SMAP1: variants seen among roughly 807,000 people sequenced by gnomAD.
SMAP1 encodes the protein stromal membrane-associated protein 1.
In SMAP1, 24 loss-of-function variants were observed where a neutral mutation model predicts 58.5. The observed-to-expected ratio is 0.41, with a 90% CI of 0.30 to 0.58. The LOEUF (loss-of-function observed/expected upper bound fraction) is 0.58. Ranked by LOEUF, SMAP1 falls within the 20% of genes least tolerant of loss-of-function variation. SMAP1 has a pLI of 0.29. For missense variants in SMAP1, 563 were observed against 566.3 expected, an observed-to-expected ratio of 0.99 and a Z score of 0.06; for synonymous variants, 216 against 196.6, an observed-to-expected ratio of 1.10 and a Z score of -0.82.
intron 6 of SMAP1, among the ~76,000 whole-genome samples, chr6:70,806,356 C>T (rs888956541): frequency 1.3e-5 from 2 of 152,210 alleles, no homozygotes; most frequent in Admixed American, 1.3e-4. Context: ...TTGCTAAGAC[C>T]TTGGGGAAAA....
chr6:70,736,005 T>TTG (rs202130484), intron 2 of SMAP1, among the ~76,000 whole-genome samples: 86 of 151,376 alleles, frequency 5.7e-4, no homozygotes, highest in East Asian at 9.7e-4. Context: ...AAAATGTTCT[T>TTG]TGTGTGTGTG....
chr6:70,729,129 T>C (rs555220489), intron 1 of SMAP1, among the ~76,000 whole-genome samples: 15 of 152,250 alleles, frequency 9.9e-5, no homozygotes, highest in Middle Eastern at 3.4e-3. Context: ...TTCTTGATAC[T>C]GCAACTCTCA....
intron 6 of SMAP1, among the ~76,000 whole-genome samples, chr6:70,826,546 T>C (rs1049377296): frequency 6.6e-6 from 1 of 152,086 alleles, no homozygotes; most frequent in Non-Finnish European, 1.5e-5. Flanking sequence ...GGTGGATTGC[T>C]TGAGCTTAGG....
chr6:70,822,738 C>T (rs555264529), intron 6 of SMAP1, among the ~76,000 whole-genome samples: 9 of 152,078 alleles, frequency 5.9e-5, no homozygotes, highest in African/African-American at 1.7e-4. Flanking sequence ...ATATTTCTTA[C>T]GTTCAGTTCC....
intron 6 of SMAP1, among the ~76,000 whole-genome samples, chr6:70,832,379 A>C (rs1167812750): frequency 6.6e-6 from 1 of 152,190 alleles, no homozygotes; most frequent in Non-Finnish European, 1.5e-5. Flanking sequence ...TTAAATGTAC[A>C]ATGTAATGGA....
At chr6:70,785,066 C>T (rs932482514) in intron 4 of SMAP1, among the ~76,000 whole-genome samples, 19 of 152,140 alleles carry the variant, frequency 1.2e-4, no homozygotes, top group Admixed American at 1.0e-3. Context: ...AAGGTCTCCT[C>T]AGCAAATGTA....
intron 1 of SMAP1, among the ~76,000 whole-genome samples, chr6:70,677,593 T>C (rs910854812): frequency 6.6e-6 from 1 of 152,012 alleles, no homozygotes; most frequent in Non-Finnish European, 1.5e-5. Context: ...TAATTTTTTG[T>C]ATTTTTAGTA....
intron 3 of SMAP1, among the ~76,000 whole-genome samples, chr6:70,770,050 T>G (rs951269331): frequency 2.6e-5 from 4 of 151,680 alleles, no homozygotes; most frequent in Non-Finnish European, 4.4e-5. Context: ...GGCTTGAAAA[T>G]TCTTTTAAGA....
intron 10 of SMAP1, chr6:70,859,595 T>G: frequency 2.4e-6 from 1 of 409,480 alleles, no homozygotes; most frequent in South Asian, 5.6e-5. Flanking sequence ...TTTCCTTCTC[T>G]TATCACCAAT....
chr6:70,771,744 G>A (rs1454416428), intron 3 of SMAP1, among the ~76,000 whole-genome samples: 4 of 152,152 alleles, frequency 2.6e-5, no homozygotes, highest in Non-Finnish European at 2.9e-5. Flanking sequence ...CTCGCCCACG[G>A]TGTGCTGCAC....
chr6:70,859,224 T>A, intron 10 of SMAP1: 1 of 693,436 alleles, frequency 1.4e-6, no homozygotes, highest in Non-Finnish European at 2.4e-6. Flanking sequence ...TAAAAAATTG[T>A]ATGTGCTAAG....
At chr6:70,791,507 T>A (rs1393780993) in intron 4 of SMAP1, among the ~76,000 whole-genome samples, 182 bp from the exon 5 acceptor site, 1 of 152,206 alleles carries the variant, frequency 6.6e-6, no homozygotes. Flanking sequence ...TTTTATAAAT[T>A]TCAAATTGAA....
intron 6 of SMAP1, among the ~76,000 whole-genome samples, chr6:70,818,421 A>G (rs1226889737): frequency 6.6e-6 from 1 of 151,998 alleles, no homozygotes; most frequent in Non-Finnish European, 1.5e-5. Context: ...AAAAAAGCCT[A>G]TTTCTGGGGT....
At chr6:70,724,833 A>G (rs567131772) in intron 1 of SMAP1, among the ~76,000 whole-genome samples, 1 of 152,074 alleles carries the variant, frequency 6.6e-6, no homozygotes, top group South Asian at 2.1e-4. Context: ...TATTTTAAAG[A>G]ACTTTTTTCT....
At chr6:70,708,300 C>G (rs761463071) in intron 1 of SMAP1, among the ~76,000 whole-genome samples, 5 of 152,110 alleles carry the variant, frequency 3.3e-5, no homozygotes, top group Non-Finnish European at 7.4e-5. Context: ...TGGGTTCTCC[C>G]TTTTTCCCCC....
chr6:70,723,541 C>T (rs1339904783), intron 1 of SMAP1, among the ~76,000 whole-genome samples: 2 of 152,212 alleles, frequency 1.3e-5, no homozygotes, highest in Admixed American at 1.3e-4. Context: ...ACCTTTCCCT[C>T]CCCCTTTCTC....
At chr6:70,798,065 GT>G (rs907416953) in intron 5 of SMAP1, among the ~76,000 whole-genome samples, 36 of 152,080 alleles carry the variant, frequency 2.4e-4, no homozygotes, top group African/African-American at 8.4e-4. Flanking sequence ...ACACTAGTCA[GT>G]TGGCTGTGGT....
intron 4 of SMAP1, among the ~76,000 whole-genome samples, chr6:70,777,446 AT>A (rs1767592695): frequency 6.6e-6 from 1 of 151,658 alleles, no homozygotes; most frequent in Non-Finnish European, 1.5e-5. Context: ...TCTTTTGCTT[AT>A]TTTTTTATTA....
chr6:70,801,350 A>G (rs965860610), intron 6 of SMAP1, among the ~76,000 whole-genome samples: 1 of 151,162 alleles, frequency 6.6e-6, no homozygotes, highest in African/African-American at 2.4e-5. Flanking sequence ...TCCTTTGCCC[A>G]CTTTTTGATG....
Sources: allele counts gnomAD v4.1 joint callset (sites outside exome capture counted in the v4.1 genomes callset), GRCh38; gene constraint gnomAD v4.1.1; transcripts MANE v1.5; gene names NCBI Gene and HGNC (gene_info 2026-07-23, HGNC 2026-07-21).